DOCK8: variants seen among roughly 807,000 people sequenced by gnomAD.
DOCK8 encodes the protein dedicator of cytokinesis protein 8.
DOCK8 carries 141 observed loss-of-function variants against 245.6 expected under a neutral mutation model. That is an observed-to-expected ratio of 0.57 (90% CI 0.50 to 0.66). The LOEUF (loss-of-function observed/expected upper bound fraction) is 0.66. Ranked by LOEUF, DOCK8 falls within the 30% of genes least tolerant of loss-of-function variation. DOCK8 has a pLI of 0.00. For missense variants in DOCK8, 2,965 were observed against 2,603.4 expected (o/e 1.14, Z -3.02); for synonymous variants, 1,168 against 970.2 (o/e 1.20, Z -3.79).
chr9:311,481 G>A lies in DOCK8; in HGVS notation c.529-473G>A, dbSNP rs531918749. 2.0e-3 allele frequency among the ~76,000 whole-genome samples: 305 copies of A among 149,768 alleles called. 1 individual carries two copies. Among genetic ancestry groups the A allele is most frequent in the Non-Finnish European group, 3.0e-3 (202 of 67,682 alleles). On this transcript the variant is annotated intron_variant, in intron 5 of 47. Transcript: ENST00000432829. Reference sequence around the variant, plus strand: ...TTGCCCAGGCTAGTCTTGAACTCCCGGCCTCAAGCAGTCCTCCCACCTTGT... The same window carrying A: ...TTGCCCAGGCTAGTCTTGAACTCCCAGCCTCAAGCAGTCCTCCCACCTTGT...
intron 1 of DOCK8, among the ~76,000 whole-genome samples, chr9:250,727 C>G (rs2047624657): frequency 6.6e-6 from 1 of 152,170 alleles, no homozygotes; most frequent in Admixed American, 6.5e-5. Flanking sequence ...TGTGTATAAT[C>G]CCAGGGAGGA....
intron 1 of DOCK8, among the ~76,000 whole-genome samples, chr9:267,807 A>G (rs1269484654): frequency 2.6e-5 from 4 of 152,190 alleles, no homozygotes; most frequent in African/African-American, 9.7e-5. Context: ...CCAATGTGGG[A>G]TGCTTTGGTT....
At chr9:367,121 A>G (rs1483085951) in intron 14 of DOCK8, among the ~76,000 whole-genome samples, 1 of 152,236 alleles carries the variant, frequency 6.6e-6, no homozygotes, top group Admixed American at 6.5e-5. Context: ...TAGGATAGCT[A>G]TGAGAATTAA....
At chr9:381,373 A>C (rs867756550) in intron 21 of DOCK8, 11 of 152,344 alleles carry the variant, frequency 7.2e-5, no homozygotes, top group Middle Eastern at 6.8e-3. Context: ...AGTATAATAA[A>C]GGAAATAATA....
Position 420,585 on chromosome 9 carries a change from T to G in DOCK8, c.4023+2T>G, listed in dbSNP as rs1274913761. On this transcript the variant is annotated splice_donor_variant, in intron 31 of 47. Coordinates refer to ENST00000432829, the MANE Select transcript of DOCK8 (RefSeq NM_203447.4). LOFTEE classifies it high-confidence loss of function. ...TGTGTGTTATGTTTTGAGTATAAGG[T>G]AAGTCTGGAGTGGCACAACTTTATA... The G allele has an allele frequency of 6.2e-7, 1 of 1,614,168 alleles. No individual in the cohort carries two copies. The highest frequency in any genetic ancestry group is 1.1e-5 in the South Asian group (1 of 91,080).
intron 14 of DOCK8, among the ~76,000 whole-genome samples, chr9:354,810 G>A (rs1051090662): frequency 6.6e-6 from 1 of 152,178 alleles, no homozygotes; most frequent in African/African-American, 2.4e-5. Flanking sequence ...GTCAAAACAA[G>A]CAAGCGGGAG....
chr9:435,003 A>G, intron 39 of DOCK8, 28 bp downstream of exon 39: 1 of 1,609,974 alleles, frequency 6.2e-7, no homozygotes, highest in South Asian at 1.1e-5. Flanking sequence ...TTTCCCTTAG[A>G]GCAGTGGTTC....
At chr9:420,198 G>A in intron 30 of DOCK8, 1 of 639,798 alleles carries the variant, frequency 1.6e-6, no homozygotes, top group Non-Finnish European at 2.8e-6. Context: ...TCTTTGCTGA[G>A]TAGCGCTACT....
upstream of DOCK8, chr9:214,659 C>T: frequency 1.2e-6 from 2 of 1,604,576 alleles, no homozygotes; most frequent in Non-Finnish European, 1.7e-6. Flanking sequence ...CTCCCTTCGG[C>T]CGGAGGTCGG....
At chr9:307,253 A>G (rs570099260) in intron 5 of DOCK8, among the ~76,000 whole-genome samples, 3 of 151,560 alleles carry the variant, frequency 2.0e-5, no homozygotes, top group Admixed American at 2.0e-4. Context: ...ACAATAGGTG[A>G]AGACCAGCGT....
chr9:368,569 A>C, intron 15 of DOCK8: 1 of 362,864 alleles, frequency 2.8e-6, no homozygotes, highest in Non-Finnish European at 5.1e-6. Context: ...TGATGAATAC[A>C]AAGTACCGCC....
intron 4 of DOCK8, among the ~76,000 whole-genome samples, chr9:299,387 A>G (rs1218697914): frequency 6.6e-6 from 1 of 152,122 alleles, no homozygotes; most frequent in Admixed American, 6.5e-5. Context: ...TCAGGCTCCC[A>G]AGTAGCTGAG....
intron 1 of DOCK8, among the ~76,000 whole-genome samples, chr9:218,930 A>G (rs1283282288): frequency 6.6e-6 from 1 of 152,170 alleles, no homozygotes; most frequent in Non-Finnish European, 1.5e-5. Flanking sequence ...TCTCCGTTTT[A>G]CAGATGGAGA....
chr9:285,758 G>A (rs1050150004), intron 2 of DOCK8, among the ~76,000 whole-genome samples: 5 of 152,084 alleles, frequency 3.3e-5, no homozygotes, highest in African/African-American at 4.8e-5. Flanking sequence ...TAAAATTGAA[G>A]AGCAAAGAAC....
intron 1 of DOCK8, among the ~76,000 whole-genome samples, chr9:250,122 C>T (rs944385926): frequency 6.6e-6 from 1 of 152,120 alleles, no homozygotes; most frequent in Non-Finnish European, 1.5e-5. Context: ...GTCATTATGT[C>T]CTGGCACAAG....
Position 407,157 on chromosome 9 carries a change from T to TAA in DOCK8, c.3530+93_3530+94dup, listed in dbSNP as rs60568745. On this transcript the variant is annotated intron_variant, in intron 28 of 47. Coordinates refer to ENST00000432829, the MANE Select transcript of DOCK8 (RefSeq NM_203447.4). ...TTGCAGTCTAGCTTCTCACACTTGG[T>TAA]AAAAAACTCTACTGTAGTTGACCAG... 9 of 1,574,584 alleles carry TAA rather than the reference T, an allele frequency of 5.7e-6. No individual in the cohort carries two copies. The East Asian group carries it at 6.9e-5, about 12-fold the overall frequency.
intron 14 of DOCK8, among the ~76,000 whole-genome samples, chr9:367,810 A>G (rs971521921): frequency 6.6e-6 from 1 of 152,162 alleles, no homozygotes; most frequent in Non-Finnish European, 1.5e-5. Context: ...TTGTAGCAAA[A>G]CAGAGAGCGA....
intron 14 of DOCK8, among the ~76,000 whole-genome samples, chr9:366,827 G>A (rs541625116): frequency 6.6e-6 from 1 of 152,252 alleles, no homozygotes; most frequent in South Asian, 2.1e-4. Flanking sequence ...GACAGGCTGG[G>A]AAATGCAGGT....
At chr9:382,826 A>G in intron 22 of DOCK8, 141 bp downstream of exon 22, 2 of 1,132,648 alleles carry the variant, frequency 1.8e-6, no homozygotes, top group Non-Finnish European at 2.5e-6. Context: ...TGGAGTGATT[A>G]ACGTTCTTTA....
Sources: gnomAD v4.1 joint callset for allele counts (sites outside exome capture counted in the v4.1 genomes callset) on GRCh38, gnomAD v4.1.1 for gene constraint, MANE v1.5 for transcripts, NCBI Gene and HGNC (gene_info 2026-07-23, HGNC 2026-07-21) for gene names.